The following LTK variants were observed in gnomAD, a reference collection of about 807,000 sequenced individuals.
LTK encodes leukocyte tyrosine kinase receptor.
LTK carries 117 observed loss-of-function variants against 101.5 expected under a neutral mutation model. The ratio of observed to expected loss-of-function variants is 1.15; its 90% CI spans 0.99 to 1.34. LTK has a LOEUF of 1.34. Ranked by LOEUF, LTK falls within the 40% of genes most tolerant of loss-of-function variation. The pLI, the probability that LTK is intolerant of heterozygous loss-of-function variation, is 0.00. For synonymous variants in LTK, 563 were observed against 494.2 expected (o/e 1.14, Z -1.85); for missense variants, 1,252 against 1,164.7 (o/e 1.07, Z -1.09).
rs1422434249 is a variant in LTK at position 41,504,029 on chromosome 15, A to G, written c.2562T>C (p.Pro854=). The change falls in exon 20 of 20, where the codon CCT becomes CCC. Residue 854 remains proline, a synonymous_variant. Coordinates refer to ENST00000263800, the MANE Select transcript of LTK (RefSeq NM_002344.6). ...LKPLKSRGLQ[P]QNLWNPTYRS ...GATAAGTGGGATTCCAAAGGTTCTG[A>G]GGTTGGAGGCCCCTGGATTTGAGGG... The G allele has an allele frequency of 6.2e-7, 1 of 1,611,008 alleles. No homozygotes were observed. The highest frequency in any genetic ancestry group is 1.3e-5 in the African/African-American group (1 of 74,644).
In LTK at chr15:41,505,521, G is replaced by T; in HGVS notation, c.1707C>A (p.Arg569=). The T allele has an allele frequency of 3.1e-6, 5 of 1,613,960 alleles. No homozygotes were observed. The highest frequency in any genetic ancestry group is 3.4e-6 in the Non-Finnish European group (4 of 1,179,972). ...CCACACACCGCACAATGTTCTGATG[G>T]CGAAACTTGCTGAGTGGGGTGGGGG... is the stretch of plus-strand genomic sequence containing the variant. ...LMEALIISKF[R]HQNIVRCVGL... Residue 569 remains arginine, a synonymous_variant, in exon 14 of 20, where the codon CGC becomes CGA. Coordinates refer to ENST00000263800, the MANE Select transcript of LTK (RefSeq NM_002344.6).
At chr15:41,508,753 G>C (rs1014944744) in intron 8 of LTK, among the ~76,000 whole-genome samples, 7 of 152,034 alleles carry the variant, frequency 4.6e-5, no homozygotes, top group African/African-American at 1.7e-4. Context: ...ATAGCAAGGG[G>C]GTACTTGAAA....
chr15:41,503,753 T>C lies in LTK; in HGVS notation c.*243A>G. 1.6e-6 allele frequency: 1 copy of C among 620,354 alleles called. No homozygotes were observed. Among genetic ancestry groups the C allele is most frequent in the Non-Finnish European group, 2.9e-6 (1 of 340,572 alleles). The allele number at this position is 620,354 out of a possible 1,614,324, so 38.4% of individuals were successfully genotyped here. A position where few individuals can be genotyped will look rare whatever the true frequency, so the allele number is the denominator to read the frequency against. ...GCTCCCCATGGACACCTGGGGTGTG[T>C]GTAAGGCGGCCTCTGGCCCCAAGAT... On this transcript the variant is annotated 3_prime_UTR_variant, in exon 20 of 20. Coordinates refer to ENST00000263800, the MANE Select transcript of LTK (RefSeq NM_002344.6).
At chr15:41,507,722 C>T (rs979227003) in intron 9 of LTK, 65 bp from the exon 10 acceptor site, 4 of 1,506,280 alleles carry the variant, frequency 2.7e-6, no homozygotes, top group Non-Finnish European at 3.6e-6. Context: ...TCAAGTTTTA[C>T]CCACGCTTCA....
Position 41,505,494 on chromosome 15 carries a change from C to T in LTK, c.1734G>A (p.Gly578=). Residue 578 remains glycine, a synonymous_variant, in exon 14 of 20, where the codon GGG becomes GGA. Coordinates refer to ENST00000263800, the MANE Select transcript of LTK (RefSeq NM_002344.6). ...FRHQNIVRCV[G]LSLRATPRLI... is the part of the protein sequence containing the mutation. Reference sequence around the variant, plus strand: ...GGCGAGGGGTGGCCCTGAGGCTGAGCCCCACACACCGCACAATGTTCTGAT... The same window carrying T: ...GGCGAGGGGTGGCCCTGAGGCTGAGTCCCACACACCGCACAATGTTCTGAT... 6.2e-7 allele frequency: 1 copy of T among 1,614,000 alleles called. No homozygotes were observed. Among genetic ancestry groups the T allele is most frequent in the Non-Finnish European group, 8.5e-7 (1 of 1,179,980 alleles).
intron 7 of LTK, among the ~76,000 whole-genome samples, chr15:41,510,580 G>C (rs1213755727): frequency 6.6e-6 from 1 of 151,814 alleles, no homozygotes; most frequent in Non-Finnish European, 1.5e-5. Context: ...TCCTGCCTCA[G>C]CCTCCAGAGT....
Position 41,503,982 on chromosome 15 carries a change from G to C in LTK, c.*14C>G, listed in dbSNP as rs752419536. 3.2e-6 allele frequency: 5 copies of C among 1,583,892 alleles called. No homozygotes were observed. In the South Asian group the frequency reaches 4.6e-5, roughly 15 times the overall value. ...CTCAGTGCCTCAGTCCTTACCCTCA[G>C]GGCCCCTTGGGGCTCAGGAGCGATA... On this transcript the variant is annotated 3_prime_UTR_variant, in exon 20 of 20. Coordinates refer to ENST00000263800, the MANE Select transcript of LTK (RefSeq NM_002344.6).
rs757936539 is a variant in LTK, at chr15:41,512,281, G to A, written c.360-16C>T. Reference sequence around the variant, plus strand: ...GGCTGAGATCCTGCGGGGAACGGACGGTGAGTCCCCGGCCTTCGGTGCTCA... The same window carrying A: ...GGCTGAGATCCTGCGGGGAACGGACAGTGAGTCCCCGGCCTTCGGTGCTCA... On this transcript the variant is annotated splice_polypyrimidine_tract_variant and intron_variant, in intron 3 of 19. Transcript: ENST00000263800. 15 of 1,608,656 alleles carry A rather than the reference G, an allele frequency of 9.3e-6. No homozygotes were observed. Among genetic ancestry groups the A allele is most frequent in the Non-Finnish European group, 9.3e-6 (11 of 1,177,476 alleles).
chr15:41,512,706 C>A lies in LTK; in HGVS notation c.359+1G>T, dbSNP rs146417308. 13 of 1,577,282 alleles carry A rather than the reference C, an allele frequency of 8.2e-6. No homozygotes were observed. Among genetic ancestry groups the A allele is most frequent in the African/African-American group, 2.7e-5 (2 of 73,956 alleles). On this transcript the variant is annotated splice_donor_variant, in intron 3 of 19. Coordinates refer to ENST00000263800, the MANE Select transcript of LTK (RefSeq NM_002344.6). LOFTEE classifies it high-confidence loss of function. Reference sequence around the variant, plus strand: ...CCACCCTACCTCCGCCGTGCACTTACAGATACTGGCCAGGGCCCGGCACGC... The same window carrying A: ...CCACCCTACCTCCGCCGTGCACTTAAAGATACTGGCCAGGGCCCGGCACGC...
rs781376277 is a variant in LTK at position 41,508,986 on chromosome 15, G to A, written c.1096+45C>T. The stretch of plus-strand genomic sequence containing the variant: ...GTGCAGGAGTGGGCTCAGGGACTGC[G>A]GAAGAAGTCCAGGCCAGGCTCAGAG... On this transcript the variant is annotated intron_variant, in intron 8 of 19. Transcript: ENST00000263800. 97 of 1,359,390 alleles carry A rather than the reference G, an allele frequency of 7.1e-5. No homozygotes were observed. The East Asian group carries it at 1.9e-3, about 27-fold the overall frequency. 84.2% of individuals were successfully genotyped at this position (1,359,390 alleles called of 1,614,324 possible).
Position 41,506,020 on chromosome 15 carries a change from G to C in LTK, c.1542-15C>G, listed in dbSNP as rs372290629. ...GGCCCAGGGCTCTGCAGGAAGACAC[G>C]TTGGAAGGGAGTGGGCAGGCGGCCT... On this transcript the variant is annotated splice_polypyrimidine_tract_variant and intron_variant, in intron 11 of 19. Coordinates refer to ENST00000263800, the MANE Select transcript of LTK (RefSeq NM_002344.6). 6.3e-7 allele frequency: 1 copy of C among 1,592,930 alleles called. No homozygotes were observed. The highest frequency in any genetic ancestry group is 1.1e-5 in the South Asian group (1 of 90,614).
chr15:41,507,356 C>T, intron 10 of LTK, 66 bp from the exon 11 acceptor site: 11 of 1,487,546 alleles, frequency 7.4e-6, no homozygotes, highest in Non-Finnish European at 1.0e-5. Context: ...CCCACCTGCC[C>T]AGGACACCCC....
At position 41,504,993 on chromosome 15, in the gene LTK, C is replaced by T. The variant is rs755225073; in HGVS notation, c.1997G>A (p.Gly666Glu). The T allele has an allele frequency of 1.4e-5, 23 of 1,612,602 alleles. No homozygotes were observed. Among genetic ancestry groups the T allele is most frequent in the Non-Finnish European group, 5.9e-6 (7 of 1,179,300 alleles). Residue 666 changes from glycine (G) to glutamate (E), a missense_variant, in exon 16 of 20, where the codon GGG (glycine) becomes GAG (glutamate). Coordinates refer to ENST00000263800, the MANE Select transcript of LTK (RefSeq NM_002344.6). ...PSRVAKIGDFGMARDIYRASY... is the reference protein window; with the variant it reads ...PSRVAKIGDFEMARDIYRASY... ...GCACCGGTAGATATCTCGTGCCATC[C>T]CAAAGTCCCCAATCTTGGCCACTCG...
intron 7 of LTK, among the ~76,000 whole-genome samples, chr15:41,510,131 C>G (rs191887562): frequency 6.6e-5 from 10 of 151,200 alleles, no homozygotes; most frequent in African/African-American, 2.4e-4. Context: ...CTCAGCTTCC[C>G]GAGTAGCTGG....
intron 7 of LTK, among the ~76,000 whole-genome samples, chr15:41,509,544 T>A (rs1281271842): frequency 5.3e-5 from 8 of 152,194 alleles, no homozygotes; most frequent in Admixed American, 1.3e-4. Flanking sequence ...CATTTCTTTT[T>A]AAAAATTAAT....
chr15:41,512,148 C>T lies in LTK; in HGVS notation c.477G>A (p.Leu159=), dbSNP rs148848607. ...AGGCGTCCTCTCCCTGCTGCCCCACCAGGATGTACAGCGACTCCCCGAGAC... is the reference window on the plus strand; with the variant it reads ...AGGCGTCCTCTCCCTGCTGCCCCACTAGGATGTACAGCGACTCCCCGAGAC... ...SLGLGESLYI[L]VGQQGEDACP... Residue 159 remains leucine, a synonymous_variant, in exon 4 of 20, where the codon CTG becomes CTA. Coordinates refer to ENST00000263800, the MANE Select transcript of LTK (RefSeq NM_002344.6). The T allele has an allele frequency of 6.2e-7, 1 of 1,609,394 alleles. No homozygotes were observed. The highest frequency in any genetic ancestry group is 1.3e-5 in the African/African-American group (1 of 74,232).
At chr15:41,507,961 A>AC (rs1242136172) in intron 9 of LTK, 108 bp downstream of exon 9, 6 of 1,240,250 alleles carry the variant, frequency 4.8e-6, no homozygotes, top group Non-Finnish European at 3.3e-6. Flanking sequence ...AGCACCCACC[A>AC]CAGGGCCTGG....
chr15:41,505,717 TG>T lies in LTK; in HGVS notation c.1692del (p.Ile565SerfsTer28), dbSNP rs770726315. 7 of 1,613,686 alleles carry T rather than the reference TG, an allele frequency of 4.3e-6. No individual in the cohort carries two copies. The highest frequency in any genetic ancestry group is 3.3e-5 in the South Asian group (3 of 91,066). ...TGCCCCTGGTCCCAGGTGCACCTGA[TG>T]ATGAGGGCCTCCATGAGGAAATCCA... The part of the protein sequence containing the change: ...DELDFLMEAL[I>X]ISKFRHQNIV... On this transcript the variant is annotated frameshift_variant, in exon 13 of 20. Coordinates refer to ENST00000263800, the MANE Select transcript of LTK (RefSeq NM_002344.6). LOFTEE classifies it high-confidence loss of function.
chr15:41,511,926 G>A lies in LTK; in HGVS notation c.548C>T (p.Ser183Phe), dbSNP rs774659840. ...CGCCGCGTGCTCTTCAACGGCTCGA[G>A]ACTCCCCGAGGCAGACGAGCTGGCT... The part of the protein sequence containing the change: ...PESQLVCLGE[S>F]RAVEEHAAMD... The change falls in exon 5 of 20, where the codon TCT becomes TTT. Residue 183 changes from serine to phenylalanine, a missense_variant. By Grantham distance (155) the Ser-to-Phe change is radical. Transcript: ENST00000263800. This position sits in a 1 kb window ranked among gnomAD's most constrained non-coding sequence, Gnocchi z 5.9. 6.0e-5 allele frequency: 90 copies of A among 1,502,250 alleles called. No individual in the cohort carries two copies. In the East Asian group the frequency reaches 1.9e-3, roughly 32 times the overall value. The allele number at this position is 1,502,250 out of a possible 1,614,324, so 93.1% of individuals were successfully genotyped here. A position where few individuals can be genotyped will look rare whatever the true frequency, so the allele number is the denominator to read the frequency against.
Sources: gnomAD v4.1 joint callset for allele counts (sites outside exome capture counted in the v4.1 genomes callset) on GRCh38, gnomAD v4.1.1 for gene constraint, Gnocchi (gnomAD v3.1) non-coding constraint, MANE v1.5 for transcripts, NCBI Gene and HGNC (gene_info 2026-07-23, HGNC 2026-07-21) for gene names.